Variants in CALN1 observed in about 807,000 individuals in gnomAD.
The protein encoded by CALN1 is calneuron 1, also known as calcium-binding protein 8.
Under a neutral mutation model 30.6 loss-of-function variants are expected in CALN1, and 17 were observed. That is an observed-to-expected ratio of 0.56 (90% confidence interval 0.38 to 0.83). The LOEUF (loss-of-function observed/expected upper bound fraction) is 0.83, where lower values mean the gene tolerates loss of function less well. CALN1 is among the 40% of genes least tolerant of loss of function. The pLI is 0.00. For synonymous variants in CALN1, 156 were observed against 131.4 expected, an observed-to-expected ratio of 1.19 and a Z score of -1.28; for missense variants, 291 against 354.9, an observed-to-expected ratio of 0.82 and a Z score of 1.45.
At chr7:72,046,537 C>T (rs1164418612) in intron 4 of CALN1, among the ~76,000 whole-genome samples, 2 of 151,668 alleles carry the variant, frequency 1.3e-5, no homozygotes, top group African/African-American at 4.8e-5. Flanking sequence ...CATGGTGAAA[C>T]CCCGTCTCTA....
At chr7:71,803,701 C>T (rs1787439696) in intron 6 of CALN1, among the ~76,000 whole-genome samples, 1 of 152,102 alleles carries the variant, frequency 6.6e-6, no homozygotes, top group Non-Finnish European at 1.5e-5. Context: ...TCTCGAACTC[C>T]TGACCTCAGG....
At chr7:72,142,590 A>T (rs1810033731) in intron 3 of CALN1, among the ~76,000 whole-genome samples, 1 of 152,210 alleles carries the variant, frequency 6.6e-6, no homozygotes, top group Non-Finnish European at 1.5e-5. Flanking sequence ...ACTTCTGCAG[A>T]CTTAAATGTT....
At chr7:72,101,858 G>A (rs35897134) in intron 4 of CALN1, among the ~76,000 whole-genome samples, 1 of 151,958 alleles carries the variant, frequency 6.6e-6, no homozygotes, top group Non-Finnish European at 1.5e-5. Context: ...CGTGCCCGAT[G>A]CCTAGAATTA....
chr7:72,295,654 GCTCT>G (rs1301582362), intron 2 of CALN1, among the ~76,000 whole-genome samples: 11 of 141,706 alleles, frequency 7.8e-5, no homozygotes, highest in East Asian at 4.0e-4. Context: ...TCATGATTTG[GCTCT>G]CTGTTTGTCT....
Position 72,293,581 on chromosome 7 carries a change from T to A in CALN1, c.120-14771A>T, listed in dbSNP as rs188211377. ...AGTTTGCAAACATCAAGCCCTACCA[T>A]GCAGGGTAGCAGGAGAAAAAGGCAG... On this transcript the variant is annotated intron_variant, in intron 2 of 6. Coordinates refer to ENST00000395275, the MANE Select transcript of CALN1 (RefSeq NM_031468.4). Among the ~76,000 whole-genome samples, 25 of 152,218 alleles carry A rather than the reference T, an allele frequency of 1.6e-4. 1 individual carries two copies. In the East Asian group the frequency reaches 2.7e-3, roughly 16 times the overall value.
chr7:72,318,629 C>A (rs1466769081), intron 2 of CALN1, among the ~76,000 whole-genome samples: 1 of 150,956 alleles, frequency 6.6e-6, no homozygotes, highest in Non-Finnish European at 1.5e-5. Flanking sequence ...CAGCCTCGAA[C>A]TCCTGGGTTC....
At chr7:72,289,511 T>C (rs1344720474) in intron 2 of CALN1, among the ~76,000 whole-genome samples, 1 of 152,212 alleles carries the variant, frequency 6.6e-6, no homozygotes, top group East Asian at 1.9e-4. Context: ...GAAACACTCT[T>C]GATGTGTAGC....
At chr7:72,075,218 G>C (rs946167149) in intron 4 of CALN1, among the ~76,000 whole-genome samples, 2 of 152,200 alleles carry the variant, frequency 1.3e-5, no homozygotes, top group Non-Finnish European at 1.5e-5. Flanking sequence ...CCACCCACTA[G>C]TGGGAAGATA....
intron 5 of CALN1, among the ~76,000 whole-genome samples, chr7:71,960,581 T>TA (rs1170730719): frequency 1.3e-5 from 2 of 152,226 alleles, no homozygotes; most frequent in Non-Finnish European, 2.9e-5. Flanking sequence ...CCTCCACTGA[T>TA]AGATATTTAG....
At chr7:72,207,524 G>A (rs908438271) in intron 3 of CALN1, among the ~76,000 whole-genome samples, 5 of 152,042 alleles carry the variant, frequency 3.3e-5, no homozygotes, top group Admixed American at 2.0e-4. Context: ...CTCTGTCACC[G>A]AGGCTGGAGT....
chr7:72,236,959 T>C (rs1255440283), intron 3 of CALN1, among the ~76,000 whole-genome samples: 2 of 151,970 alleles, frequency 1.3e-5, no homozygotes, highest in Non-Finnish European at 2.9e-5. Context: ...AAGTCTGACC[T>C]AGTTGGGAAC....
intron 4 of CALN1, among the ~76,000 whole-genome samples, chr7:72,071,365 C>T (rs844752): frequency 0.41 from 62,292 of 152,066 alleles, 13,835 homozygotes; most frequent in African/African-American, 0.54. Context: ...CAACCCTGCC[C>T]TGCAGCTGAA....
intron 5 of CALN1, among the ~76,000 whole-genome samples, chr7:71,896,570 G>A (rs116751237): frequency 0.014 from 2,059 of 152,296 alleles, 43 homozygotes; most frequent in African/African-American, 0.046. Context: ...TGAAAGGCCT[G>A]TGATGCTGGA....
At chr7:71,920,990 T>G (rs1354175066) in intron 5 of CALN1, among the ~76,000 whole-genome samples, 1 of 152,034 alleles carries the variant, frequency 6.6e-6, no homozygotes, top group Non-Finnish European at 1.5e-5. Flanking sequence ...ATAAAGAAAA[T>G]GTGGCACATA....
chr7:71,874,837 T>C (rs961415759), intron 5 of CALN1, among the ~76,000 whole-genome samples: 1 of 151,728 alleles, frequency 6.6e-6, no homozygotes, highest in African/African-American at 2.4e-5. Flanking sequence ...AGCACATAGT[T>C]GGAAGGGCTT....
chr7:71,806,417 C>T (rs1416139427), intron 6 of CALN1, among the ~76,000 whole-genome samples: 1 of 151,840 alleles, frequency 6.6e-6, no homozygotes, highest in Non-Finnish European at 1.5e-5. Flanking sequence ...AGCAATTCTC[C>T]TGTCTCAGCC....
chr7:72,115,639 CCACCAGACCTG>C (rs1807930986), intron 3 of CALN1, among the ~76,000 whole-genome samples: 1 of 151,736 alleles, frequency 6.6e-6, no homozygotes, highest in African/African-American at 2.4e-5. Context: ...CAGGTATGTG[CCACCAGACCTG>C]GCTAATTTTT....
chr7:71,862,225 A>T (rs1791329600), intron 5 of CALN1, among the ~76,000 whole-genome samples: 1 of 152,234 alleles, frequency 6.6e-6, no homozygotes, highest in Non-Finnish European at 1.5e-5. Flanking sequence ...AATTAAGATC[A>T]GCACATGCTG....
chr7:72,046,952 T>C (rs1802513255), intron 4 of CALN1, among the ~76,000 whole-genome samples: 1 of 151,894 alleles, frequency 6.6e-6, no homozygotes, highest in Admixed American at 6.6e-5. Flanking sequence ...TAGTCACAGG[T>C]ACTCAGAAAG....
Sources: gnomAD v4.1 joint callset for allele counts (sites outside exome capture counted in the v4.1 genomes callset) on GRCh38, gnomAD v4.1.1 for gene constraint, MANE v1.5 for transcripts, NCBI Gene and HGNC (gene_info 2026-07-23, HGNC 2026-07-21) for gene names.